The following SRP72 variants were observed in gnomAD, a reference collection of about 807,000 sequenced individuals.
The protein encoded by SRP72 is signal recognition particle subunit SRP72.
SRP72 carries 49 observed loss-of-function variants against 96.3 expected under a neutral mutation model. The observed-to-expected ratio is 0.51, with a 90% CI of 0.40 to 0.65. SRP72 has a LOEUF of 0.65. Among genes scored for constraint, SRP72 ranks in the 30% least tolerant of loss-of-function variants. SRP72 has a pLI of 0.00. For missense variants in SRP72, 736 were observed against 793.3 expected, an observed-to-expected ratio of 0.93 and a Z score of 0.87; for synonymous variants, 267 against 275.2, an observed-to-expected ratio of 0.97 and a Z score of 0.30.
chr4:56,474,266 T>A lies in SRP72; in HGVS notation c.499-14T>A. 6.2e-7 allele frequency: 1 copy of A among 1,613,764 alleles called. No individual in the cohort carries two copies. Among genetic ancestry groups the A allele is most frequent in the African/African-American group, 1.3e-5 (1 of 75,042 alleles). Reference sequence around the variant, plus strand: ...TCATATTTAGTATTTAACTGGTATTTTGTCCCCTGACAGGAGAACCTGGGC... The same window carrying A: ...TCATATTTAGTATTTAACTGGTATTATGTCCCCTGACAGGAGAACCTGGGC... On this transcript the variant is annotated splice_polypyrimidine_tract_variant and intron_variant, in intron 4 of 18. Transcript: ENST00000642900.
chr4:56,486,267 A>ACAT, intron 10 of SRP72, 58 bp from the exon 11 acceptor site: 1 of 1,236,762 alleles, frequency 8.1e-7, no homozygotes, highest in Non-Finnish European at 1.2e-6. Flanking sequence ...ATTGTAATGT[A>ACAT]TACAATTAGT....
Position 56,490,582 on chromosome 4 carries a change from A to G in SRP72, c.1439A>G (p.Asp480Gly), listed in dbSNP as rs779777836. The change falls in exon 15 of 19, where the codon GAT becomes GGT. Residue 480 changes from aspartate (D) to glycine (G), a missense_variant. By Grantham distance (94) the Asp-to-Gly change is moderately conservative. This residue lies in a region of SRP72 where 388 missense variants were observed against 431.8 expected (regional missense o/e 0.90). Coordinates refer to ENST00000642900, the MANE Select transcript of SRP72 (RefSeq NM_006947.4). ...TCTTCTTTTAGACAAAATCCAAAAG[A>G]TATTCACACCCTGGCACAGCTTATT... Reference protein sequence around the residue: ...LQQLWKQNPKDIHTLAQLISA... With the variant: ...LQQLWKQNPKGIHTLAQLISA... The G allele has an allele frequency of 1.2e-6, 2 of 1,613,830 alleles. No homozygotes were observed. Among genetic ancestry groups the G allele is most frequent in the Non-Finnish European group, 1.7e-6 (2 of 1,179,894 alleles).
At chr4:56,484,969 A>G (rs1443854081) in intron 10 of SRP72, 105 bp downstream of exon 10, 6 of 1,342,374 alleles carry the variant, frequency 4.5e-6, no homozygotes, top group Non-Finnish European at 5.9e-6. Context: ...AAAACTAATC[A>G]GAAATGTACC....
rs751460920 is a variant in SRP72 at position 56,476,677 on chromosome 4, G to T, written c.617G>T (p.Cys206Phe). The T allele has an allele frequency of 3.1e-6, 5 of 1,612,240 alleles. No individual in the cohort carries two copies. In the Admixed American group the frequency reaches 8.4e-5, roughly 27 times the overall value. ...AACAATTTTTCTCCTGTAGATCTTT[G>T]CCGCCGTTCATTATCAGAAGACACT... ...MKILQKAEDL[C>F]RRSLSEDTDG... The change falls in exon 6 of 19, where the codon TGC becomes TTC. Residue 206 changes from cysteine to phenylalanine, a missense_variant. By Grantham distance (205) the Cys-to-Phe change is radical. Around this residue, in one of 3 missense-constraint regions of SRP72, gnomAD observed 329 missense variants for 319.0 expected, o/e 1.03. Transcript: ENST00000642900.
intron 14 of SRP72, 41 bp downstream of exon 14, chr4:56,490,477 T>C: frequency 6.2e-7 from 1 of 1,602,826 alleles, no homozygotes; most frequent in African/African-American, 1.3e-5. Flanking sequence ...AACACATTTA[T>C]TGTTGCTACT....
At chr4:56,491,053 A>G (rs562082370) in intron 15 of SRP72, among the ~76,000 whole-genome samples, 56 of 152,338 alleles carry the variant, frequency 3.7e-4, no homozygotes, top group Middle Eastern at 3.4e-3. Context: ...AGCTTGGATC[A>G]TATGTGCTAC....
chr4:56,487,625 TC>T (rs1720761144), intron 11 of SRP72, among the ~76,000 whole-genome samples: 1 of 152,154 alleles, frequency 6.6e-6, no homozygotes, highest in South Asian at 2.1e-4. Flanking sequence ...ACCCCCACCT[TC>T]AAGTTACAGC....
Position 56,474,319 on chromosome 4 carries a change from T to G in SRP72, c.538T>G (p.Tyr180Asp). The G allele has an allele frequency of 6.2e-7, 1 of 1,614,180 alleles. No individual in the cohort carries two copies. The highest frequency in any genetic ancestry group is 1.1e-5 in the South Asian group (1 of 91,074). Residue 180 changes from tyrosine to aspartate, a missense_variant, in exon 5 of 19, where the codon TAC becomes GAC. By Grantham distance (160) the Tyr-to-Asp change is radical. Transcript: ENST00000642900. ...GLQEGTHELC[Y>D]NTACALIGQG... ...CCAAGAAGGCACACATGAGCTGTGCTACAACACTGCATGTGCACTGATAGG... is the reference window on the plus strand; with the variant it reads ...CCAAGAAGGCACACATGAGCTGTGCGACAACACTGCATGTGCACTGATAGG...
At position 56,484,876 on chromosome 4, in the gene SRP72, A is replaced by C; in HGVS notation, c.1086+12A>C. The C allele has an allele frequency of 6.2e-7, 1 of 1,607,228 alleles. No individual in the cohort carries two copies. The highest frequency in any genetic ancestry group is 8.5e-7 in the Non-Finnish European group (1 of 1,178,614). ...TAGAGCTGCTTCAGGTAAAATAATT[A>C]CTTGAATGAGGTGTCAGACATTTGC... On this transcript the variant is annotated intron_variant, in intron 10 of 18. Transcript: ENST00000642900.
intron 9 of SRP72, 62 bp downstream of exon 9, chr4:56,483,332 AG>A: frequency 6.9e-7 from 1 of 1,454,288 alleles, no homozygotes; most frequent in Non-Finnish European, 9.4e-7. Flanking sequence ...GAGGAGTAAT[AG>A]GGATATTAGT....
chr4:56,487,143 A>T (rs771672861), intron 11 of SRP72, among the ~76,000 whole-genome samples: 2 of 152,186 alleles, frequency 1.3e-5, no homozygotes, highest in African/African-American at 4.8e-5. Context: ...CTGGTATAGA[A>T]TGTGGATTTT....
chr4:56,471,359 G>A (rs1440203685), intron 2 of SRP72, among the ~76,000 whole-genome samples: 1 of 151,962 alleles, frequency 6.6e-6, no homozygotes, highest in African/African-American at 2.4e-5. Flanking sequence ...TTATTGTTTT[G>A]TTAATGAATT....
At chr4:56,483,338 A>G in intron 9 of SRP72, 68 bp downstream of exon 9, 2 of 1,426,170 alleles carry the variant, frequency 1.4e-6, no homozygotes, top group Admixed American at 4.5e-5. Flanking sequence ...TAATAGGGAT[A>G]TTAGTCTAAT....
intron 17 of SRP72, among the ~76,000 whole-genome samples, chr4:56,499,996 A>G (rs1306307086): frequency 6.6e-6 from 1 of 152,244 alleles, no homozygotes; most frequent in Non-Finnish European, 1.5e-5. Flanking sequence ...TGGATAAAGA[A>G]GATGTGGCAC....
Position 56,491,558 on chromosome 4 carries a change from A to C in SRP72, c.1630A>C (p.Lys544Gln). Reference sequence around the variant, plus strand: ...AAAAGTTACTGGAGATAGTCAACCAAAGGAACAAGGGTAATATTTTTCATT... The same window carrying C: ...AAAAGTTACTGGAGATAGTCAACCACAGGAACAAGGGTAATATTTTTCATT... ...GGKVTGDSQP[K>Q]EQGQGDLKKK... The change falls in exon 16 of 19, where the codon AAG (lysine) becomes CAG (glutamine). Residue 544 changes from lysine to glutamine, a missense_variant. Coordinates refer to ENST00000642900, the MANE Select transcript of SRP72 (RefSeq NM_006947.4). 6.2e-7 allele frequency: 1 copy of C among 1,613,784 alleles called. No individual in the cohort carries two copies. Among genetic ancestry groups the C allele is most frequent in the Non-Finnish European group, 8.5e-7 (1 of 1,179,820 alleles).
rs569322887 is a variant in SRP72, at chr4:56,476,802, G to A, written c.642+100G>A. The A allele has an allele frequency of 3.2e-6, 4 of 1,233,086 alleles. No homozygotes were observed. The African/African-American group carries it at 4.5e-5, about 14-fold the overall frequency. The allele number at this position is 1,233,086 out of a possible 1,614,324, so 76.4% of individuals were successfully genotyped here. ...ATTTATTGACTTTTTTTAGAAGATG[G>A]CAATTCATTAAGTAGGAATCACACT... is the stretch of plus-strand genomic sequence containing the variant. On this transcript the variant is annotated intron_variant, in intron 6 of 18. Transcript: ENST00000642900.
intron 17 of SRP72, among the ~76,000 whole-genome samples, chr4:56,497,520 G>T (rs2110132276): frequency 1.3e-5 from 2 of 152,100 alleles, no homozygotes; most frequent in Middle Eastern, 6.8e-3. Context: ...CGCCCGGCCT[G>T]CACTTCAGTT....
At chr4:56,473,552 T>TGA (rs1034937388) in intron 3 of SRP72, among the ~76,000 whole-genome samples, 7 of 151,694 alleles carry the variant, frequency 4.6e-5, no homozygotes, top group Admixed American at 6.6e-5. Flanking sequence ...GCGGATCACT[T>TGA]GAGGTTGGGA....
At chr4:56,480,050 T>C (rs887946228) in intron 8 of SRP72, among the ~76,000 whole-genome samples, 1 of 152,160 alleles carries the variant, frequency 6.6e-6, no homozygotes, top group African/African-American at 2.4e-5. Flanking sequence ...ACTTCAAAGC[T>C]TTCCCCTTCT....
Sources: gnomAD v4.1 joint callset for allele counts (sites outside exome capture counted in the v4.1 genomes callset) on GRCh38, gnomAD v4.1.1 for gene constraint, gnomAD v4.1.1 regional missense constraint, MANE v1.5 for transcripts, NCBI Gene and HGNC (gene_info 2026-07-23, HGNC 2026-07-21) for gene names.